The following DYM variants were observed in gnomAD, a reference collection of about 807,000 sequenced individuals.
DYM encodes the protein dyggve-Melchior-Clausen syndrome protein.
Under a neutral mutation model 93.1 loss-of-function variants are expected in DYM, and 78 were observed. The ratio of observed to expected loss-of-function variants is 0.84; its 90% CI spans 0.70 to 1.01. The LOEUF is 1.01. Among genes scored for constraint, DYM ranks in the 50% least tolerant of loss-of-function variants. The pLI, the probability that DYM is intolerant of heterozygous loss-of-function variation, is 0.00. For missense variants in DYM, 789 were observed against 845.0 expected (o/e 0.93, Z 0.82); for synonymous variants, 321 against 319.7 (o/e 1.00, Z -0.04).
In DYM at chr18:49,398,769, T is replaced by G. The variant is rs531888292; in HGVS notation, c.141-7124A>C. On this transcript the variant is annotated intron_variant, in intron 2 of 17. Transcript: ENST00000675505. ...TGATTTTTGTTGACAACCAGAAGAC[T>G]TCTAATTAATAAATCACTGTGGTCA... Among the ~76,000 whole-genome samples the G allele has an allele frequency of 3.3e-5, 5 of 152,288 alleles. No homozygotes were observed. The South Asian group carries it at 1.0e-3, about 32-fold the overall frequency.
intron 17 of DYM, among the ~76,000 whole-genome samples, chr18:49,088,291 A>G (rs112237247): frequency 0.025 from 3,853 of 152,188 alleles, 60 homozygotes; most frequent in South Asian, 0.066. Flanking sequence ...TAATTTTTGT[A>G]TAAGGTGTAA....
intron 15 of DYM, among the ~76,000 whole-genome samples, chr18:49,145,120 T>TATATATATATATATATAC (rs2084954325): frequency 9.4e-6 from 1 of 106,282 alleles, no homozygotes. Flanking sequence ...TATATATATA[T>TATATATATATATATATAC]ATATATATAT....
At chr18:49,068,167 T>C (rs2076618144) in intron 17 of DYM, among the ~76,000 whole-genome samples, 1 of 152,130 alleles carries the variant, frequency 6.6e-6, no homozygotes, top group South Asian at 2.1e-4. Flanking sequence ...CAGTGTCCCT[T>C]GAATGCAGAG....
chr18:49,392,144 A>T (rs532009145), intron 2 of DYM, among the ~76,000 whole-genome samples: 1 of 152,366 alleles, frequency 6.6e-6, no homozygotes, highest in South Asian at 2.1e-4. Context: ...GTTTATAAAT[A>T]TATAGAAAAA....
At chr18:49,246,312 C>A (rs1157928225) in intron 13 of DYM, among the ~76,000 whole-genome samples, 1 of 152,144 alleles carries the variant, frequency 6.6e-6, no homozygotes, top group Non-Finnish European at 1.5e-5. Flanking sequence ...TTTGTTTATT[C>A]CCATTTCTCC....
chr18:49,144,454 T>C (rs1403125413), intron 15 of DYM, among the ~76,000 whole-genome samples: 1 of 152,216 alleles, frequency 6.6e-6, no homozygotes, highest in Non-Finnish European at 1.5e-5. Flanking sequence ...AATAGTGATA[T>C]TCTAATTCTA....
chr18:49,137,296 A>C (rs1238668522), intron 15 of DYM, among the ~76,000 whole-genome samples: 1 of 152,260 alleles, frequency 6.6e-6, no homozygotes, highest in East Asian at 1.9e-4. Flanking sequence ...ACACTTTCTC[A>C]GTCCTGTCCT....
At chr18:49,253,714 T>C (rs543208792) in intron 13 of DYM, among the ~76,000 whole-genome samples, 32 of 152,304 alleles carry the variant, frequency 2.1e-4, no homozygotes, top group African/African-American at 7.2e-4. Context: ...AGAACTACAC[T>C]TCCCTCAGTG....
chr18:49,243,149 C>G (rs1186534221), intron 13 of DYM, among the ~76,000 whole-genome samples: 1 of 152,110 alleles, frequency 6.6e-6, no homozygotes, highest in African/African-American at 2.4e-5. Context: ...GTAAGGCTTC[C>G]GTGACACTCA....
chr18:49,046,300 C>T (rs529331859), intron 17 of DYM, among the ~76,000 whole-genome samples: 2,250 of 142,580 alleles, frequency 0.016, 34 homozygotes, highest in Middle Eastern at 0.044. Context: ...CAGACATGCG[C>T]GCGCACACAC....
rs542538220 is a variant in DYM at position 49,173,480 on chromosome 18, A to G, written c.1626-9693T>C. Among the ~76,000 whole-genome samples the G allele has an allele frequency of 5.9e-5, 9 of 152,138 alleles. No individual in the cohort carries two copies. The East Asian group carries it at 1.7e-3, about 29-fold the overall frequency. On this transcript the variant is annotated intron_variant, in intron 14 of 17. Transcript: ENST00000675505. ...CCTTAATTTCTTTCAGCAATGTTTT[A>G]TAGTTTTCAGTGTACCAGGTCTTGA... is the stretch of plus-strand genomic sequence containing the variant.
intron 15 of DYM, among the ~76,000 whole-genome samples, chr18:49,125,862 A>G (rs1048150109): frequency 3.3e-5 from 5 of 152,026 alleles, no homozygotes; most frequent in Non-Finnish European, 7.4e-5. Context: ...CTGTCGCCCT[A>G]CTCCTACTCG....
At chr18:49,198,831 G>A (rs974846592) in intron 14 of DYM, among the ~76,000 whole-genome samples, 2 of 151,714 alleles carry the variant, frequency 1.3e-5, no homozygotes, top group Non-Finnish European at 2.9e-5. Flanking sequence ...GATTCCTCAG[G>A]GATCTAGAAC....
At chr18:49,267,632 A>G (rs1002446288) in intron 11 of DYM, among the ~76,000 whole-genome samples, 1 of 152,174 alleles carries the variant, frequency 6.6e-6, no homozygotes, top group Non-Finnish European at 1.5e-5. Context: ...GGTGGCTCAC[A>G]CCTGTAATCT....
At chr18:49,127,094 G>C (rs952718930) in intron 15 of DYM, among the ~76,000 whole-genome samples, 8 of 152,144 alleles carry the variant, frequency 5.3e-5, no homozygotes, top group Non-Finnish European at 1.0e-4. Context: ...AATAGAATCT[G>C]CTAGCTCATC....
intron 8 of DYM, among the ~76,000 whole-genome samples, chr18:49,305,784 T>G (rs950042685): frequency 3.6e-5 from 5 of 138,724 alleles, no homozygotes; most frequent in Non-Finnish European, 6.3e-5. Context: ...TTGCCTTATT[T>G]TTCTGCCTAT....
intron 15 of DYM, among the ~76,000 whole-genome samples, chr18:49,153,569 T>A (rs776323577): frequency 7.2e-5 from 11 of 152,118 alleles, no homozygotes; most frequent in Admixed American, 2.0e-4. Flanking sequence ...GGACACAACA[T>A]GAAAGAGCTC....
chr18:49,272,032 T>C, intron 11 of DYM, 146 bp downstream of exon 11: 1 of 578,362 alleles, frequency 1.7e-6, no homozygotes. Flanking sequence ...AAGCACCGCT[T>C]CATAAATCTG....
intron 2 of DYM, among the ~76,000 whole-genome samples, chr18:49,401,398 GTTTTA>G (rs2148044290): frequency 6.6e-6 from 1 of 152,238 alleles, no homozygotes; most frequent in East Asian, 1.9e-4. Context: ...TGGAATCTCA[GTTTTA>G]TTTTGTTTTT....
Sources: gnomAD v4.1 joint callset for allele counts (sites outside exome capture counted in the v4.1 genomes callset) on GRCh38, gnomAD v4.1.1 for gene constraint, MANE v1.5 for transcripts, NCBI Gene and HGNC (gene_info 2026-07-23, HGNC 2026-07-21) for gene names.